LY96: variants seen among roughly 807,000 people sequenced by gnomAD.
LY96 encodes myeloid differentiation protein-2.
In LY96, 18 loss-of-function variants were observed where a neutral mutation model predicts 18.9. The observed-to-expected ratio is 0.95, with a 90% CI of 0.66 to 1.41. The LOEUF (loss-of-function observed/expected upper bound fraction) is 1.41. Among genes scored for constraint, LY96 ranks in the 40% most tolerant of loss-of-function variants. LY96 has a pLI of 0.00. For missense variants in LY96, 175 were observed against 182.4 expected, an observed-to-expected ratio of 0.96 and a Z score of 0.23; for synonymous variants, 66 against 62.6, an observed-to-expected ratio of 1.06 and a Z score of -0.26.
the LY96 span, among the ~76,000 whole-genome samples, chr8:74,086,715 T>C: frequency 6.6e-6 from 1 of 152,180 alleles, no homozygotes; most frequent in Admixed American, 6.5e-5. Context: ...ATCACCAATG[T>C]GATGCTTTTA....
chr8:74,063,871 TG>T, the LY96 span, among the ~76,000 whole-genome samples: 3 of 152,182 alleles, frequency 2.0e-5, no homozygotes, highest in Non-Finnish European at 2.9e-5. Flanking sequence ...AATTTTGGAT[TG>T]TTTATACAGT....
At chr8:74,007,294 A>C (rs1816434875) in intron 2 of LY96, among the ~76,000 whole-genome samples, 1 of 152,218 alleles carries the variant, frequency 6.6e-6, no homozygotes, top group Non-Finnish European at 1.5e-5. Flanking sequence ...TTCTCACAGC[A>C]GCTGCTTTTG....
At chr8:74,019,523 C>T (rs1816715477) in intron 3 of LY96, among the ~76,000 whole-genome samples, 1 of 152,180 alleles carries the variant, frequency 6.6e-6, no homozygotes, top group South Asian at 2.1e-4. Context: ...TCTTCTGAAA[C>T]TATTCCAATC....
chr8:73,993,523 A>G (rs1309581984), intron 1 of LY96, among the ~76,000 whole-genome samples: 2 of 152,212 alleles, frequency 1.3e-5, no homozygotes, highest in East Asian at 1.9e-4. Context: ...GCTCACTGCA[A>G]CGACCGCCTC....
chr8:73,994,045 T>G (rs550149934), intron 1 of LY96, among the ~76,000 whole-genome samples: 1 of 152,112 alleles, frequency 6.6e-6, no homozygotes, highest in South Asian at 2.1e-4. Flanking sequence ...AGTGCAGTAG[T>G]ACGATCTCAG....
intron 3 of LY96, among the ~76,000 whole-genome samples, chr8:74,017,775 C>G (rs1020165239): frequency 1.3e-5 from 2 of 152,152 alleles, no homozygotes; most frequent in Non-Finnish European, 2.9e-5. Context: ...GAATTTTCAA[C>G]CCAGAATTTC....
chr8:73,995,004 T>C (rs1816093106), intron 1 of LY96, among the ~76,000 whole-genome samples: 1 of 152,210 alleles, frequency 6.6e-6, no homozygotes, highest in Non-Finnish European at 1.5e-5. Context: ...GCCATTGTGA[T>C]GATATTAAGA....
intron 3 of LY96, 85 bp from the exon 4 acceptor site, chr8:74,026,704 A>T (rs552398366): frequency 1.3e-6 from 1 of 742,712 alleles, no homozygotes; most frequent in South Asian, 1.4e-5. Flanking sequence ...GTCTGTCAGT[A>T]GTTAAGGTAT....
At chr8:74,021,915 C>T (rs1218923320) in intron 3 of LY96, among the ~76,000 whole-genome samples, 1 of 151,232 alleles carries the variant, frequency 6.6e-6, no homozygotes, top group Non-Finnish European at 1.5e-5. Context: ...ACACCAGGGC[C>T]TGTCATGGGG....
the LY96 span, among the ~76,000 whole-genome samples, chr8:74,050,336 C>T: frequency 6.6e-6 from 1 of 151,720 alleles, no homozygotes; most frequent in East Asian, 1.9e-4. Context: ...GAGCGAGACT[C>T]TATCTCGATT....
In LY96 at chr8:74,002,058, C is replaced by CTTTCTTTCTTT. The variant is rs1563710759; in HGVS notation, c.113-2738_113-2737insTTTCTTTCTTT. Among the ~76,000 whole-genome samples the CTTTCTTTCTTT allele has an allele frequency of 1.7e-3, 55 of 31,654 alleles. 4 individuals are homozygous for CTTTCTTTCTTT. Among genetic ancestry groups the CTTTCTTTCTTT allele is most frequent in the Admixed American group, 2.2e-3 (5 of 2,270 alleles). The allele number at this position is 31,654 out of a possible 152,430, so 20.8% of individuals were successfully genotyped here. On this transcript the variant is annotated intron_variant, in intron 1 of 4. Transcript: ENST00000284818. Reference sequence around the variant, plus strand: ...TCCTTCCTTCCTTCCTTCCTTCCTTCCTTCCTTCCTTCCTTCCTTTCTTTC... The same window carrying CTTTCTTTCTTT: ...TCCTTCCTTCCTTCCTTCCTTCCTTCTTTCTTTCTTTCTTCCTTCCTTCCTTCCTTTCTTTC...
At position 74,009,031 on chromosome 8, in the gene LY96, T is replaced by C. The variant is rs537971883; in HGVS notation, c.203-970T>C. On this transcript the variant is annotated intron_variant, in intron 2 of 4. Coordinates refer to ENST00000284818, the MANE Select transcript of LY96 (RefSeq NM_015364.5). ...TTTTGATTATGGTTACAATGAGTCATGGTGATCTTACTAGGAAAATATTTT... is the reference window on the plus strand; with the variant it reads ...TTTTGATTATGGTTACAATGAGTCACGGTGATCTTACTAGGAAAATATTTT... Among the ~76,000 whole-genome samples the C allele has an allele frequency of 2.0e-4, 30 of 152,314 alleles. 1 individual carries two copies. Among genetic ancestry groups the C allele is most frequent in the Non-Finnish European group, 4.0e-4 (27 of 68,016 alleles).
chr8:74,027,973 TC>T (rs1370746009), intron 4 of LY96, among the ~76,000 whole-genome samples: 2 of 152,180 alleles, frequency 1.3e-5, no homozygotes, highest in Non-Finnish European at 2.9e-5. Flanking sequence ...CTGGGGAGTT[TC>T]TTCGGACCCA....
intron 1 of LY96, among the ~76,000 whole-genome samples, chr8:74,001,478 C>T (rs1481778960): frequency 2.6e-5 from 4 of 152,110 alleles, no homozygotes; most frequent in African/African-American, 4.8e-5. Flanking sequence ...ATCGGTCCAC[C>T]TTGGCCTCCC....
chr8:74,032,910 C>T (rs1226416479), downstream of LY96, among the ~76,000 whole-genome samples: 1 of 152,072 alleles, frequency 6.6e-6, no homozygotes, highest in Non-Finnish European at 1.5e-5. Context: ...CCCAACTCTC[C>T]CTATAAAATG....
At chr8:74,014,430 C>T (rs1319264183) in intron 3 of LY96, among the ~76,000 whole-genome samples, 2 of 143,818 alleles carry the variant, frequency 1.4e-5, no homozygotes, top group Non-Finnish European at 3.0e-5. Context: ...GGGCCAGTGA[C>T]TGGATGTATG....
chr8:74,098,745 T>A, the LY96 span, among the ~76,000 whole-genome samples: 2 of 152,326 alleles, frequency 1.3e-5, no homozygotes, highest in South Asian at 4.1e-4. Flanking sequence ...CAGCAGCTGG[T>A]CTATTATTAG....
At chr8:73,993,585 G>A (rs900363509) in intron 1 of LY96, among the ~76,000 whole-genome samples, 1 of 152,038 alleles carries the variant, frequency 6.6e-6, no homozygotes, top group Non-Finnish European at 1.5e-5. Flanking sequence ...TGGGATTATA[G>A]GTGCCCACCA....
chr8:74,047,312 A>G, the LY96 span, among the ~76,000 whole-genome samples: 3 of 152,228 alleles, frequency 2.0e-5, no homozygotes, highest in South Asian at 6.2e-4. Context: ...ACAGTAGCAC[A>G]GACTCCAACA....
Sources: gnomAD v4.1 joint callset for allele counts (sites outside exome capture counted in the v4.1 genomes callset) on GRCh38, gnomAD v4.1.1 for gene constraint, MANE v1.5 for transcripts, NCBI Gene and HGNC (gene_info 2026-07-23, HGNC 2026-07-21) for gene names.